DCLK3: variants seen among roughly 807,000 people sequenced by gnomAD.
DCLK3 encodes the protein serine/threonine-protein kinase DCLK3.
In DCLK3, 30 loss-of-function variants were observed where a neutral mutation model predicts 46.4. The ratio of observed to expected loss-of-function variants is 0.65; its 90% CI spans 0.48 to 0.88. The LOEUF (loss-of-function observed/expected upper bound fraction) is 0.88, where lower values mean the gene tolerates loss of function less well. DCLK3 is among the 40% of genes least tolerant of loss of function. The probability of loss-of-function intolerance (pLI) is 0.00; values close to 1 mark genes in which losing one functional copy is unlikely to be tolerated. For synonymous variants in DCLK3, 401 were observed against 339.2 expected, an observed-to-expected ratio of 1.18 and a Z score of -2.00; for missense variants, 846 against 907.1, an observed-to-expected ratio of 0.93 and a Z score of 0.87.
intron 1 of DCLK3, among the ~76,000 whole-genome samples, chr3:36,759,495 G>C (rs1480808987): frequency 9.7e-4 from 148 of 152,316 alleles, no homozygotes; most frequent in African/African-American, 3.3e-3. Flanking sequence ...CATTGTGTGT[G>C]AGAAGTAACC....
intron 1 of DCLK3, among the ~76,000 whole-genome samples, chr3:36,751,867 T>G (rs1311362173): frequency 6.6e-6 from 1 of 152,206 alleles, no homozygotes; most frequent in East Asian, 1.9e-4. Flanking sequence ...TAGTGTTCAA[T>G]GAAAACAGAC....
chr3:36,744,492 G>A (rs545610086), intron 1 of DCLK3, among the ~76,000 whole-genome samples: 22 of 152,310 alleles, frequency 1.4e-4, no homozygotes, highest in African/African-American at 5.3e-4. Flanking sequence ...TGGGTCAGAG[G>A]ACTTCTGCCA....
At chr3:36,721,394 C>A (rs1701054447) in intron 3 of DCLK3, 133 bp downstream of exon 3, 5 of 1,245,826 alleles carry the variant, frequency 4.0e-6, no homozygotes, top group Non-Finnish European at 5.6e-6. Context: ...CAAATATTTT[C>A]ATTGAAGTCC....
intron 1 of DCLK3, among the ~76,000 whole-genome samples, chr3:36,748,328 G>A (rs1174139466): frequency 1.3e-5 from 2 of 152,206 alleles, no homozygotes; most frequent in African/African-American, 2.4e-5. Context: ...TGGTTTAAGT[G>A]TTGTTGGAAC....
chr3:36,721,659 C>T lies in DCLK3; in HGVS notation c.1960G>A (p.Val654Ile). The T allele has an allele frequency of 1.9e-6, 3 of 1,613,980 alleles. No homozygotes were observed. Among genetic ancestry groups the T allele is most frequent in the Non-Finnish European group, 2.5e-6 (3 of 1,179,976 alleles). The change falls in exon 3 of 5, where the codon GTT becomes ATT. Residue 654 changes from valine (V) to isoleucine (I), a missense_variant and splice_region_variant. This residue lies in a region of DCLK3 where 247 missense variants were observed against 322.8 expected (regional missense o/e 0.77). Coordinates refer to ENST00000636136, the MANE Select transcript of DCLK3 (RefSeq NM_001394672.2). ...HRDLKPENLL[V>I]QRNEDKSTTL... ...GTAGATTTGTCCTCATTTCGCTGAA[C>T]CTGTAAGAAACCAAAATCCCCAAAC...
Position 36,738,208 on chromosome 3 carries a change from C to T in DCLK3, c.959G>A (p.Ser320Asn), listed in dbSNP as rs1381844975. 3 of 1,610,294 alleles carry T rather than the reference C, an allele frequency of 1.9e-6. No homozygotes were observed. Among genetic ancestry groups the T allele is most frequent in the Non-Finnish European group, 1.7e-6 (2 of 1,178,940 alleles). ...CAGAGAAAGCCTCTCACGCTCCAGG[C>T]TCTGCTGGAGCTCCCTCTCTCTCTT... is the stretch of plus-strand genomic sequence containing the variant. Reference protein sequence around the residue: ...KCKRERELQQSLERERLSLGT... With the variant: ...KCKRERELQQNLERERLSLGT... Residue 320 changes from serine to asparagine, a missense_variant, in exon 2 of 5, where the codon AGC (serine) becomes AAC (asparagine). Coordinates refer to ENST00000636136, the MANE Select transcript of DCLK3 (RefSeq NM_001394672.2).
In DCLK3 at chr3:36,714,058, G is replaced by C. The variant is rs1219638817; in HGVS notation, c.*1270C>G. 1 of 152,148 alleles carries C rather than the reference G, an allele frequency of 6.6e-6. No individual in the cohort carries two copies. Among genetic ancestry groups the C allele is most frequent in the African/African-American group, 2.4e-5 (1 of 41,428 alleles). 9.4% of individuals were successfully genotyped at this position (152,148 alleles called of 1,614,324 possible). On this transcript the variant is annotated 3_prime_UTR_variant, in exon 5 of 5. Coordinates refer to ENST00000636136, the MANE Select transcript of DCLK3 (RefSeq NM_001394672.2). ...CTACAAGAAATTTCTCCTTCAATAG[G>C]TTCTAATAACCCCAACTTCTTCCCT...
At chr3:36,722,004 C>A (rs1424112215) in intron 2 of DCLK3, among the ~76,000 whole-genome samples, 2 of 152,134 alleles carry the variant, frequency 1.3e-5, no homozygotes, top group Non-Finnish European at 2.9e-5. Context: ...CTTGTGGCTA[C>A]TATATTGGGA....
chr3:36,738,871 A>G lies in DCLK3; in HGVS notation c.296T>C (p.Val99Ala). The change falls in exon 2 of 5, where the codon GTA becomes GCA. Residue 99 changes from valine to alanine, a missense_variant. Transcript: ENST00000636136. ...GGGGCGCTGCCCACCCAGCTTCACT[A>G]CGGTCACGACCCTGGGCTTCAGAGG... is the stretch of plus-strand genomic sequence containing the variant. ...NSPLKPRVVT[V>A]VKLGGQRPRK... 2.0e-6 allele frequency: 1 copy of G among 495,258 alleles called. No homozygotes were observed. The highest frequency in any genetic ancestry group is 3.2e-6 in the Non-Finnish European group (1 of 312,352). The allele number at this position is 495,258 out of a possible 1,614,324, so 30.7% of individuals were successfully genotyped here. A position where few individuals can be genotyped will look rare whatever the true frequency, so the allele number is the denominator to read the frequency against.
chr3:36,735,394 A>G (rs150786900), intron 2 of DCLK3, among the ~76,000 whole-genome samples: 229 of 152,382 alleles, frequency 1.5e-3, no homozygotes, highest in African/African-American at 5.3e-3. Context: ...CCCCTCATCC[A>G]ACCAGTCAAA....
At chr3:36,735,941 C>T (rs1701256708) in intron 2 of DCLK3, among the ~76,000 whole-genome samples, 1 of 152,176 alleles carries the variant, frequency 6.6e-6, no homozygotes, top group Non-Finnish European at 1.5e-5. Context: ...AACTTTCTCT[C>T]CAATAAGAGG....
At position 36,737,711 on chromosome 3, in the gene DCLK3, G is replaced by A. The variant is rs1258852634; in HGVS notation, c.1456C>T (p.Gln486Ter). 4 of 1,613,850 alleles carry A rather than the reference G, an allele frequency of 2.5e-6. 1 individual carries two copies. In the African/African-American group the frequency reaches 5.3e-5, roughly 22 times the overall value. The change falls in exon 2 of 5, where the codon CAA (glutamine) becomes TAA (stop). Residue 486 changes from glutamine (Q) to a stop codon, truncating the protein, a stop_gained. Coordinates refer to ENST00000636136, the MANE Select transcript of DCLK3 (RefSeq NM_001394672.2). LOFTEE classifies it high-confidence loss of function. This position sits in a 1 kb window ranked among gnomAD's most constrained non-coding sequence, Gnocchi z 4.4. ...GGRRMTLRDD[Q>*]PAKLEKEPKT... is the part of the protein sequence containing the mutation. ...GGCTCCTTTTCTAGCTTTGCAGGTTGGTCATCTCTGAGAGTCATCCTTCTG... is the reference window on the plus strand; with the variant it reads ...GGCTCCTTTTCTAGCTTTGCAGGTTAGTCATCTCTGAGAGTCATCCTTCTG...
intron 1 of DCLK3, among the ~76,000 whole-genome samples, chr3:36,760,739 A>T (rs1701532335): frequency 6.6e-6 from 1 of 152,226 alleles, no homozygotes; most frequent in South Asian, 2.1e-4. Context: ...TAAGATCCCC[A>T]GATGATTCAT....
chr3:36,717,899 A>G (rs1385000097), intron 4 of DCLK3, 111 bp downstream of exon 4: 1 of 1,381,804 alleles, frequency 7.2e-7, no homozygotes, highest in Non-Finnish European at 1.0e-6. Context: ...AGGCTGAGAC[A>G]TGACATGTTG....
intron 2 of DCLK3, among the ~76,000 whole-genome samples, chr3:36,733,978 CT>C (rs1180380684): frequency 6.6e-6 from 1 of 152,144 alleles, no homozygotes; most frequent in Non-Finnish European, 1.5e-5. Context: ...CTTCCCGAAG[CT>C]TAACAAAGAC....
intron 2 of DCLK3, among the ~76,000 whole-genome samples, chr3:36,725,015 TAA>T (rs747789503): frequency 3.7e-4 from 53 of 142,518 alleles, no homozygotes; most frequent in Non-Finnish European, 4.1e-4. Flanking sequence ...TCTCATTTGT[TAA>T]AAAAAAAAAA....
At chr3:36,718,210 C>A (rs999787143) in intron 3 of DCLK3, 33 bp from the exon 4 acceptor site, 1 of 1,612,592 alleles carries the variant, frequency 6.2e-7, no homozygotes, top group African/African-American at 1.3e-5. Context: ...ACAAGCAAAC[C>A]TGAGACCAGG....
intron 1 of DCLK3, among the ~76,000 whole-genome samples, chr3:36,760,522 T>C (rs112271314): frequency 0.01 from 1,534 of 152,208 alleles, 11 homozygotes; most frequent in Non-Finnish European, 0.015. Context: ...ATATACCTAA[T>C]GTTAAATAAC....
intron 2 of DCLK3, among the ~76,000 whole-genome samples, chr3:36,732,234 G>A (rs116356876): frequency 7.6e-4 from 115 of 152,238 alleles, no homozygotes; most frequent in African/African-American, 2.5e-3. Flanking sequence ...CTTATTAGAC[G>A]CCTATCCTTT....
Sources: gnomAD v4.1 joint callset for allele counts (sites outside exome capture counted in the v4.1 genomes callset) on GRCh38, gnomAD v4.1.1 for gene constraint, gnomAD v4.1.1 regional missense constraint, Gnocchi (gnomAD v3.1) non-coding constraint, MANE v1.5 for transcripts, NCBI Gene and HGNC (gene_info 2026-07-23, HGNC 2026-07-21) for gene names.